Variants in TENM1 observed in about 807,000 individuals in gnomAD.
TENM1 encodes teneurin-1.
A neutral mutation model predicts 174.8 loss-of-function variants in TENM1; 35 were observed. That is an observed-to-expected ratio of 0.20 (90% CI 0.15 to 0.27). TENM1 has a LOEUF of 0.27. Ranked by LOEUF, TENM1 falls within the 10% of genes least tolerant of loss-of-function variation. The pLI is 1.00. For missense variants in TENM1, 1,633 were observed against 2,130.1 expected, an observed-to-expected ratio of 0.77 and a Z score of 4.59; for synonymous variants, 781 against 798.7, an observed-to-expected ratio of 0.98 and a Z score of 0.37.
At chrX:124,665,292 A>G (rs963745166) in intron 6 of TENM1, among the ~76,000 whole-genome samples, 4 of 111,782 alleles carry the variant, frequency 3.6e-5, no homozygotes, top group Non-Finnish European at 7.5e-5. Context: ...GTGAGCCGAG[A>G]TTGCGCCATT....
At position 124,467,907 on chromosome X, in the gene TENM1, C is replaced by T. The variant is rs151147624; in HGVS notation, c.3949+13825G>A. Among the ~76,000 whole-genome samples, 851 of 110,065 alleles carry T rather than the reference C, an allele frequency of 7.7e-3. 4 individuals carry two copies. The highest frequency in any genetic ancestry group is 0.023 in the African/African-American group (690 of 30,163). ...CCGAGTAGCTAGGATTACAGGCACA[C>T]GCCACCATGCCCAGCTAATTTTTGT... On this transcript the variant is annotated intron_variant, in intron 22 of 31. Transcript: ENST00000422452.
At chrX:125,130,232 C>T in the TENM1 span, among the ~76,000 whole-genome samples, 3 of 109,841 alleles carry the variant, frequency 2.7e-5, no homozygotes, top group African/African-American at 1.0e-4. Context: ...CAAAGATGTA[C>T]TTGTAGAGGC....
the TENM1 span, among the ~76,000 whole-genome samples, chrX:125,113,204 A>C: frequency 1.8e-5 from 2 of 111,318 alleles, no homozygotes; most frequent in Non-Finnish European, 3.8e-5. Context: ...TTGAACTTCA[A>C]CTCTTACCTC....
chrX:124,845,193 T>C (rs1021990340), intron 3 of TENM1, among the ~76,000 whole-genome samples: 3 of 112,409 alleles, frequency 2.7e-5, no homozygotes, highest in Non-Finnish European at 5.6e-5. Flanking sequence ...GCCAAATAAA[T>C]AAAAGGTAAT....
chrX:125,036,015 T>C, the TENM1 span, among the ~76,000 whole-genome samples: 2 of 111,333 alleles, frequency 1.8e-5, no homozygotes, highest in Non-Finnish European at 3.8e-5. Context: ...ATAAGGACAA[T>C]TGAATCATTA....
chrX:124,903,136 G>A (rs1439486073), intron 1 of TENM1, among the ~76,000 whole-genome samples: 1 of 111,470 alleles, frequency 9.0e-6, no homozygotes, highest in Admixed American at 9.6e-5. Flanking sequence ...CCCCTTGACA[G>A]TTCCAAATGC....
chrX:124,962,375 T>C (rs1200922825), intron 1 of TENM1, among the ~76,000 whole-genome samples: 1 of 111,880 alleles, frequency 8.9e-6, no homozygotes, highest in Non-Finnish European at 1.9e-5. Context: ...CCAGGGTTTC[T>C]GACTCAATAT....
intron 4 of TENM1, among the ~76,000 whole-genome samples, chrX:124,735,635 C>T (rs2053652839): frequency 9.0e-6 from 1 of 111,677 alleles, no homozygotes; most frequent in Admixed American, 9.5e-5. Flanking sequence ...CACCTGCATG[C>T]ATGTGTTTAT....
intron 1 of TENM1, among the ~76,000 whole-genome samples, chrX:124,940,534 A>C (rs1231079358): frequency 1.8e-5 from 2 of 111,203 alleles, no homozygotes; most frequent in Admixed American, 1.9e-4. Context: ...TTTTTGCTTA[A>C]GCTAGTTTGA....
chrX:125,139,857 CGGAG>C, the TENM1 span, among the ~76,000 whole-genome samples: 1,057 of 72,145 alleles, frequency 0.015, 10 homozygotes, highest in African/African-American at 0.026. Flanking sequence ...CACACACACA[CGGAG>C]AGAGAGAGAG....
chrX:124,551,174 G>A (rs1416775547), intron 14 of TENM1, among the ~76,000 whole-genome samples: 3 of 112,331 alleles, frequency 2.7e-5, no homozygotes, highest in African/African-American at 9.7e-5. Context: ...GTTGTTGTAA[G>A]TATCACATGC....
At position 124,912,183 on chromosome X, in the gene TENM1, G is replaced by A. The variant is rs755192342; in HGVS notation, c.218-15942C>T. ...CGGTATTAACTCAGGTTCCTCCAGA[G>A]GGTCAGCAAAATTGAGTATATGAAA... On this transcript the variant is annotated intron_variant, in intron 1 of 31. Coordinates refer to ENST00000422452, the Ensembl canonical transcript of TENM1. Among the ~76,000 whole-genome samples the A allele has an allele frequency of 7.2e-5, 8 of 111,251 alleles. 1 individual carries two copies. The highest frequency in any genetic ancestry group is 1.3e-4 in the Non-Finnish European group (7 of 53,034).
the TENM1 span, among the ~76,000 whole-genome samples, chrX:125,129,461 C>T: frequency 1.8e-5 from 2 of 111,713 alleles, no homozygotes; most frequent in Non-Finnish European, 3.8e-5. Context: ...TTGTTACAAA[C>T]AACCCAATTA....
intron 11 of TENM1, among the ~76,000 whole-genome samples, chrX:124,573,472 T>C (rs915460751): frequency 9.0e-6 from 1 of 111,675 alleles, no homozygotes; most frequent in African/African-American, 3.3e-5. Flanking sequence ...TATGTTATCT[T>C]ACATGTCTGA....
intron 3 of TENM1, among the ~76,000 whole-genome samples, chrX:124,773,255 T>G (rs957554348): frequency 9.0e-6 from 1 of 111,193 alleles, no homozygotes; most frequent in African/African-American, 3.3e-5. Context: ...TATCAAGATT[T>G]TTTTTTCTAA....
the TENM1 span, among the ~76,000 whole-genome samples, chrX:125,102,072 T>C: frequency 2.7e-5 from 3 of 111,578 alleles, no homozygotes; most frequent in East Asian, 2.8e-4. Flanking sequence ...AACTGTCATA[T>C]GAACCCAGAG....
At chrX:124,671,967 AC>A (rs2051935197) in intron 5 of TENM1, 132 bp from the exon 9 acceptor site, 3 of 576,675 alleles carry the variant, frequency 5.2e-6, no homozygotes, top group Middle Eastern at 3.4e-4. Context: ...GGGAGTTTAT[AC>A]CTATACATCA....
chrX:124,808,901 C>T (rs887855223), intron 3 of TENM1, among the ~76,000 whole-genome samples: 1 of 111,522 alleles, frequency 9.0e-6, no homozygotes, highest in Non-Finnish European at 1.9e-5. Context: ...CTCAAATAAA[C>T]AGCCTAATAT....
At chrX:125,154,081 A>T in the TENM1 span, among the ~76,000 whole-genome samples, 22 of 112,383 alleles carry the variant, frequency 2.0e-4, no homozygotes, top group South Asian at 7.7e-3. Context: ...CTCAATTGCA[A>T]ACATGGAATT....
Sources: gnomAD v4.1 joint callset for allele counts (sites outside exome capture counted in the v4.1 genomes callset) on GRCh38, gnomAD v4.1.1 for gene constraint, MANE v1.5 for transcripts, NCBI Gene and HGNC (gene_info 2026-07-23, HGNC 2026-07-21) for gene names.